The following DHRS12 variants were observed in gnomAD, a reference collection of about 807,000 sequenced individuals.
The protein encoded by DHRS12 is dehydrogenase/reductase 12.
DHRS12 carries 29 observed loss-of-function variants against 32.1 expected under a neutral mutation model. That is an observed-to-expected ratio of 0.90 (90% CI 0.67 to 1.23). The LOEUF is 1.23. Among genes scored for constraint, DHRS12 ranks in the 50% most tolerant of loss-of-function variants. DHRS12 has a pLI of 0.00. For synonymous variants in DHRS12, 150 were observed against 135.9 expected, an observed-to-expected ratio of 1.10 and a Z score of -0.72; for missense variants, 330 against 337.2, an observed-to-expected ratio of 0.98 and a Z score of 0.17.
the DHRS12 span, chr13:51,756,277 G>T: frequency 5.7e-6 from 9 of 1,566,728 alleles, no homozygotes; most frequent in Non-Finnish European, 7.8e-6. Context: ...GAGATGCGGG[G>T]GCCTCAGGAG....
intron 4 of DHRS12, among the ~76,000 whole-genome samples, chr13:51,787,995 G>A (rs1029079502): frequency 4.1e-5 from 6 of 147,154 alleles, no homozygotes; most frequent in East Asian, 1.9e-4. Flanking sequence ...CGGCCGCAGC[G>A]AACACTTAGC....
At chr13:51,759,844 G>A in the DHRS12 span, 2 of 1,480,642 alleles carry the variant, frequency 1.4e-6, no homozygotes, top group Non-Finnish European at 1.9e-6. Context: ...TACCAGAGTG[G>A]TAAAGCAGAC....
chr13:51,757,250 G>A, the DHRS12 span, among the ~76,000 whole-genome samples: 4 of 152,084 alleles, frequency 2.6e-5, no homozygotes, highest in African/African-American at 4.8e-5. Context: ...CTCATCATAC[G>A]TGATGAAATT....
Position 51,804,148 on chromosome 13 carries a change from G to A in DHRS12, c.-103C>T. The A allele has an allele frequency of 1.4e-6, 2 of 1,437,448 alleles. No homozygotes were observed. Among genetic ancestry groups the A allele is most frequent in the Non-Finnish European group, 1.8e-6 (2 of 1,102,846 alleles). The allele number at this position is 1,437,448 out of a possible 1,614,324, so 89.0% of individuals were successfully genotyped here. ...CACGCCTAGCCCCACCGCGCTCCCG[G>A]CGCGGCCTCCGCCCTGGTCCCGCCC... On this transcript the variant is annotated 5_prime_UTR_variant, in exon 1 of 9. Transcript: ENST00000444610.
chr13:51,771,081 G>T, intron 7 of DHRS12: 3 of 1,449,526 alleles, frequency 2.1e-6, no homozygotes, highest in Non-Finnish European at 1.8e-6. Context: ...AGCCTCTCTG[G>T]GCCTCAGTTC....
At chr13:51,772,943 GAGAGTCTC>G (rs1954100063) in intron 6 of DHRS12, 2 of 985,400 alleles carry the variant, frequency 2.0e-6, no homozygotes, top group Admixed American at 1.2e-4. Context: ...TGGAGGTGCA[GAGAGTCTC>G]AGACAGGGCC....
the DHRS12 span, chr13:51,759,939 C>T: frequency 6.5e-6 from 4 of 611,496 alleles, no homozygotes; most frequent in Admixed American, 3.0e-5. Flanking sequence ...CCAGTGAGCA[C>T]TCGCAAGGGG....
At chr13:51,776,983 C>G in intron 5 of DHRS12, 77 bp downstream of exon 5, 1 of 1,546,416 alleles carries the variant, frequency 6.5e-7, no homozygotes, top group East Asian at 2.2e-5. Flanking sequence ...GGCAGTCAGG[C>G]AGCAAACCTA....
intron 4 of DHRS12, among the ~76,000 whole-genome samples, chr13:51,786,488 A>G (rs1405447031): frequency 6.6e-6 from 1 of 152,186 alleles, no homozygotes; most frequent in Non-Finnish European, 1.5e-5. Flanking sequence ...CAGCCACCCA[A>G]CAGAAGCTGT....
At chr13:51,779,561 C>T (rs937218980) in intron 4 of DHRS12, among the ~76,000 whole-genome samples, 1 of 152,092 alleles carries the variant, frequency 6.6e-6, no homozygotes, top group Admixed American at 6.5e-5. Flanking sequence ...CCATATGTGA[C>T]CCAGATGCAA....
chr13:51,785,463 T>C (rs1954912701), intron 4 of DHRS12, among the ~76,000 whole-genome samples: 1 of 152,198 alleles, frequency 6.6e-6, no homozygotes, highest in Admixed American at 6.5e-5. Context: ...AATGATTTGC[T>C]TTGATTAATT....
chr13:51,784,047 AT>A (rs1157010267), intron 4 of DHRS12, among the ~76,000 whole-genome samples: 1 of 152,176 alleles, frequency 6.6e-6, no homozygotes, highest in African/African-American at 2.4e-5. Flanking sequence ...AAGTATCATC[AT>A]CCCCATTTTA....
Position 51,790,030 on chromosome 13 carries a change from G to A in DHRS12, c.282C>T (p.Asn94=). Reference sequence around the variant, plus strand: ...ACTTACCCAGAGTATTGGCAGCAAAGTTTTTTTCAAGTCCATCTTCTGTGA... The same window carrying A: ...ACTTACCCAGAGTATTGGCAGCAAAATTTTTTTCAAGTCCATCTTCTGTGA... ...RELTEDGLEK[N]FAANTLGVYI... Residue 94 remains asparagine, a synonymous_variant, in exon 4 of 9, where the codon AAC becomes AAT. Transcript: ENST00000444610. 1 of 1,603,356 alleles carries A rather than the reference G, an allele frequency of 6.2e-7. No individual in the cohort carries two copies. The highest frequency in any genetic ancestry group is 8.5e-7 in the Non-Finnish European group (1 of 1,176,510).
In DHRS12 at chr13:51,799,485, G is replaced by A. The variant is rs765279292; in HGVS notation, c.126+49C>T. 1.2e-5 allele frequency: 20 copies of A among 1,606,910 alleles called. No homozygotes were observed. The South Asian group carries it at 1.7e-4, about 13-fold the overall frequency. ...GTGCCCTCCTCAGTGTGGACCGGCC[G>A]CAGTCTGGCCGTGGGGCTCAGTGGA... On this transcript the variant is annotated intron_variant, in intron 2 of 8. Transcript: ENST00000444610.
At chr13:51,786,703 T>C (rs575730329) in intron 4 of DHRS12, among the ~76,000 whole-genome samples, 25 of 152,284 alleles carry the variant, frequency 1.6e-4, no homozygotes, top group Non-Finnish European at 3.1e-4. Context: ...CTGAAGGCAT[T>C]TTGCATTTAA....
At chr13:51,756,990 G>A in the DHRS12 span, among the ~76,000 whole-genome samples, 1 of 152,328 alleles carries the variant, frequency 6.6e-6, no homozygotes, top group East Asian at 1.9e-4. Flanking sequence ...CTGTGGAGGT[G>A]TGGGGGCAAA....
At chr13:51,790,201 T>C in intron 3 of DHRS12, 109 bp from the exon 4 acceptor site, 1 of 769,026 alleles carries the variant, frequency 1.3e-6, no homozygotes, top group Non-Finnish European at 2.0e-6. Flanking sequence ...AACTTTCAAG[T>C]GACAATGACA....
chr13:51,761,351 C>T, the DHRS12 span: 1 of 152,178 alleles, frequency 6.6e-6, no homozygotes, highest in East Asian at 1.9e-4. Context: ...ATCTTATTTT[C>T]ACCTGTAAAA....
intron 4 of DHRS12, among the ~76,000 whole-genome samples, chr13:51,781,266 G>C (rs1230127906): frequency 6.6e-6 from 1 of 152,134 alleles, no homozygotes; most frequent in Non-Finnish European, 1.5e-5. Flanking sequence ...GCTTCCTATG[G>C]GGTATTCTTG....
Sources: allele counts gnomAD v4.1 joint callset (sites outside exome capture counted in the v4.1 genomes callset), GRCh38; gene constraint gnomAD v4.1.1; transcripts MANE v1.5; gene names NCBI Gene and HGNC (gene_info 2026-07-23, HGNC 2026-07-21).